The following ELP4 variants were observed in gnomAD, a reference collection of about 807,000 sequenced individuals.
The protein encoded by ELP4 is elongator complex protein 4.
ELP4 carries 51 observed loss-of-function variants against 48.9 expected under a neutral mutation model. The observed-to-expected ratio is 1.04, with a 90% CI of 0.83 to 1.32. ELP4 has a LOEUF of 1.32. Ranked by LOEUF, ELP4 falls within the 40% of genes most tolerant of loss-of-function variation. ELP4 has a pLI of 0.00. For missense variants in ELP4, 519 were observed against 514.6 expected, an observed-to-expected ratio of 1.01 and a Z score of -0.08; for synonymous variants, 210 against 189.2, an observed-to-expected ratio of 1.11 and a Z score of -0.90.
intron 7 of ELP4, among the ~76,000 whole-genome samples, chr11:31,638,937 T>G (rs1945033368): frequency 6.6e-6 from 1 of 151,870 alleles, no homozygotes; most frequent in South Asian, 2.1e-4. Context: ...AAATATACTT[T>G]TGTGAGTTTA....
chr11:31,665,206 C>T (rs946905795), intron 9 of ELP4, among the ~76,000 whole-genome samples: 19 of 152,068 alleles, frequency 1.2e-4, no homozygotes, highest in Non-Finnish European at 4.4e-5. Context: ...GACAGTTTAC[C>T]TCTTCTTGAT....
chr11:31,580,132 G>A (rs1007035972), intron 3 of ELP4, among the ~76,000 whole-genome samples: 58 of 152,136 alleles, frequency 3.8e-4, no homozygotes, highest in African/African-American at 1.3e-3. Flanking sequence ...TACAACTCCC[G>A]CTTCAGAGAA....
intron 9 of ELP4, among the ~76,000 whole-genome samples, chr11:31,745,876 C>T (rs1947577452): frequency 6.6e-6 from 1 of 151,880 alleles, no homozygotes; most frequent in Non-Finnish European, 1.5e-5. Flanking sequence ...GCAACAAAAG[C>T]CAAAATTGAC....
intron 4 of ELP4, among the ~76,000 whole-genome samples, chr11:31,602,531 T>A (rs1163039208): frequency 6.6e-6 from 1 of 151,958 alleles, no homozygotes; most frequent in Admixed American, 6.6e-5. Context: ...TGAACGGTCA[T>A]TTCATTTTAA....
chr11:31,704,179 G>A lies in ELP4; in HGVS notation c.1143+53958G>A, dbSNP rs529438303. Among the ~76,000 whole-genome samples, 20 of 151,724 alleles carry A rather than the reference G, an allele frequency of 1.3e-4. No individual in the cohort carries two copies. In the East Asian group the frequency reaches 3.5e-3, roughly 26 times the overall value. Reference sequence around the variant, plus strand: ...TCTTATTATTTCAGATCCTGTTCTTGTAGTTTGGATTTGTATCTGTTTGAA... The same window carrying A: ...TCTTATTATTTCAGATCCTGTTCTTATAGTTTGGATTTGTATCTGTTTGAA... On this transcript the variant is annotated intron_variant, in intron 9 of 9. Transcript: ENST00000640961.
intron 3 of ELP4, among the ~76,000 whole-genome samples, chr11:31,547,531 A>C (rs1003709034): frequency 6.6e-6 from 1 of 152,202 alleles, no homozygotes; most frequent in Admixed American, 6.5e-5. Context: ...GACCAGATGG[A>C]TTCACAGCCG....
chr11:31,559,636 G>T (rs1176755609), intron 3 of ELP4, among the ~76,000 whole-genome samples: 4 of 152,054 alleles, frequency 2.6e-5, no homozygotes, highest in Non-Finnish European at 5.9e-5. Context: ...GGGAGCGGCG[G>T]CTCACCCCTG....
intron 9 of ELP4, among the ~76,000 whole-genome samples, chr11:31,714,252 A>G (rs1435847622): frequency 6.6e-6 from 1 of 152,204 alleles, no homozygotes; most frequent in Non-Finnish European, 1.5e-5. Flanking sequence ...TGTCCAAACA[A>G]AAATCTCTTG....
chr11:31,533,262 CATTT>C (rs1276636259), intron 2 of ELP4, among the ~76,000 whole-genome samples: 1 of 150,720 alleles, frequency 6.6e-6, no homozygotes, highest in Non-Finnish European at 1.5e-5. Context: ...TAGCTGTTGT[CATTT>C]ATAAGTAAAA....
chr11:31,559,602 T>C (rs1204155694), intron 3 of ELP4, among the ~76,000 whole-genome samples: 1 of 151,894 alleles, frequency 6.6e-6, no homozygotes, highest in Non-Finnish European at 1.5e-5. Context: ...AATCAAAGAG[T>C]ATAAAGAAAA....
intron 9 of ELP4, among the ~76,000 whole-genome samples, chr11:31,684,554 T>G (rs1946123411): frequency 6.6e-6 from 1 of 152,158 alleles, no homozygotes; most frequent in African/African-American, 2.4e-5. Flanking sequence ...CTACCCTATG[T>G]CAACATTTGT....
At chr11:31,533,121 C>G (rs1429686730) in intron 2 of ELP4, among the ~76,000 whole-genome samples, 3 of 152,022 alleles carry the variant, frequency 2.0e-5, no homozygotes, top group Non-Finnish European at 4.4e-5. Context: ...GTGGTGAAGT[C>G]TGGCTTCTTC....
In ELP4 at chr11:31,612,304, C is replaced by G. The variant is rs572791925; in HGVS notation, c.653+8397C>G. 2.0e-5 allele frequency among the ~76,000 whole-genome samples: 3 copies of G among 152,262 alleles called. No individual in the cohort carries two copies. In the South Asian group the frequency reaches 6.2e-4, roughly 32 times the overall value. On this transcript the variant is annotated intron_variant, in intron 5 of 9. Transcript: ENST00000640961. ...TCTCTTAGTGAAATAATAGGCATAGCTATCCACTAGGGAGTGGTTACTTAC... is the reference window on the plus strand; with the variant it reads ...TCTCTTAGTGAAATAATAGGCATAGGTATCCACTAGGGAGTGGTTACTTAC...
intron 9 of ELP4, among the ~76,000 whole-genome samples, chr11:31,672,872 T>C (rs190968699): frequency 6.6e-6 from 1 of 152,304 alleles, no homozygotes; most frequent in African/African-American, 2.4e-5. Context: ...CATGCACAGT[T>C]CACCCAAATG....
chr11:31,542,492 T>G (rs1956608757), intron 3 of ELP4, among the ~76,000 whole-genome samples: 1 of 152,202 alleles, frequency 6.6e-6, no homozygotes, highest in Non-Finnish European at 1.5e-5. Flanking sequence ...GGGCCAACAG[T>G]AATTCCTGCT....
At chr11:31,756,815 G>A (rs2134247376) in intron 9 of ELP4, among the ~76,000 whole-genome samples, 1 of 152,264 alleles carries the variant, frequency 6.6e-6, no homozygotes, top group South Asian at 2.1e-4. Flanking sequence ...TATTTTACCT[G>A]ATTATCTGCT....
At chr11:31,779,861 CAGCT>C (rs1200539322) in intron 9 of ELP4, 1 of 152,184 alleles carries the variant, frequency 6.6e-6, no homozygotes, top group African/African-American at 2.4e-5. Flanking sequence ...GCCAGCCAGC[CAGCT>C]ATCCATCTCC....
intron 3 of ELP4, among the ~76,000 whole-genome samples, chr11:31,592,745 A>G (rs978956902): frequency 9.2e-5 from 14 of 151,914 alleles, no homozygotes; most frequent in Non-Finnish European, 1.2e-4. Flanking sequence ...TAAAACGTCT[A>G]TTATGGGAAT....
At chr11:31,555,624 G>T (rs576639747) in intron 3 of ELP4, among the ~76,000 whole-genome samples, 1 of 151,612 alleles carries the variant, frequency 6.6e-6, no homozygotes, top group East Asian at 1.9e-4. Context: ...TGTAAGTTTA[G>T]AATATACTAT....
Sources: allele counts gnomAD v4.1 joint callset (sites outside exome capture counted in the v4.1 genomes callset), GRCh38; gene constraint gnomAD v4.1.1; transcripts MANE v1.5; gene names NCBI Gene and HGNC (gene_info 2026-07-23, HGNC 2026-07-21).